The following SDCCAG8 variants were observed in gnomAD, a reference collection of about 807,000 sequenced individuals.
SDCCAG8 encodes SHH signaling and ciliogenesis regulator SDCCAG8, also known as serologically defined colon cancer antigen 8.
In SDCCAG8, 74 loss-of-function variants were observed where a neutral mutation model predicts 101.8. The observed-to-expected ratio is 0.73, with a 90% confidence interval of 0.60 to 0.88. SDCCAG8 has a LOEUF of 0.88. Among genes scored for constraint, SDCCAG8 ranks in the 40% least tolerant of loss-of-function variants. SDCCAG8 has a pLI of 0.00. For synonymous variants in SDCCAG8, 281 were observed against 292.9 expected (o/e 0.96, Z 0.41); for missense variants, 787 against 822.6 (o/e 0.96, Z 0.53).
chr1:243,328,692 C>T (rs1027723694), intron 9 of SDCCAG8, among the ~76,000 whole-genome samples: 2 of 152,230 alleles, frequency 1.3e-5, no homozygotes, highest in East Asian at 3.8e-4. Context: ...AAACCAAGGC[C>T]TCAGCAGTGG....
chr1:243,334,805 C>T (rs1573378759), intron 10 of SDCCAG8, among the ~76,000 whole-genome samples: 1 of 152,054 alleles, frequency 6.6e-6, no homozygotes, highest in South Asian at 2.1e-4. Flanking sequence ...CCAGGCTGAT[C>T]GCGAACTCCT....
intron 12 of SDCCAG8, among the ~76,000 whole-genome samples, chr1:243,371,573 G>A (rs919694084): frequency 1.3e-5 from 2 of 152,128 alleles, no homozygotes; most frequent in African/African-American, 4.8e-5. Flanking sequence ...TGAAGTCAGC[G>A]TTATGTGCAA....
intron 5 of SDCCAG8, among the ~76,000 whole-genome samples, chr1:243,288,547 A>C (rs2069865624): frequency 3.3e-5 from 5 of 152,122 alleles, no homozygotes; most frequent in Admixed American, 3.3e-4. Context: ...CATGAATAAA[A>C]ATGTTTAGGA....
chr1:243,347,744 G>A (rs2075803091), intron 12 of SDCCAG8, among the ~76,000 whole-genome samples: 1 of 152,130 alleles, frequency 6.6e-6, no homozygotes, highest in African/African-American at 2.4e-5. Flanking sequence ...TGTTGCAGGA[G>A]GCCCTAACAT....
chr1:243,356,156 C>T (rs533504442), intron 12 of SDCCAG8, among the ~76,000 whole-genome samples: 5 of 152,032 alleles, frequency 3.3e-5, no homozygotes, highest in South Asian at 2.1e-4. Context: ...ATTTTAAAGG[C>T]GGCGTCAACA....
intron 7 of SDCCAG8, chr1:243,307,681 A>G (rs554425152): frequency 1.6e-6 from 2 of 1,257,162 alleles, no homozygotes; most frequent in African/African-American, 1.5e-5. Flanking sequence ...GGTTAATATA[A>G]CATTAATGGA....
intron 6 of SDCCAG8, among the ~76,000 whole-genome samples, chr1:243,304,454 A>G (rs1210049353): frequency 6.6e-6 from 1 of 152,200 alleles, no homozygotes; most frequent in African/African-American, 2.4e-5. Context: ...CCCCAGAGTC[A>G]CACTTTTAGG....
At chr1:243,399,266 G>A (rs1438228609) in intron 13 of SDCCAG8, among the ~76,000 whole-genome samples, 1 of 152,064 alleles carries the variant, frequency 6.6e-6, no homozygotes, top group Non-Finnish European at 1.5e-5. Flanking sequence ...TAAGTCTAGT[G>A]CTCTTCCTGC....
intron 6 of SDCCAG8, among the ~76,000 whole-genome samples, chr1:243,303,893 T>G (rs1387695770): frequency 1.3e-5 from 2 of 152,070 alleles, no homozygotes; most frequent in Non-Finnish European, 1.5e-5. Flanking sequence ...GCCAACATGA[T>G]GAAACCCCAT....
At chr1:243,258,897 T>C (rs2066970960) in intron 1 of SDCCAG8, among the ~76,000 whole-genome samples, 1 of 152,224 alleles carries the variant, frequency 6.6e-6, no homozygotes. Flanking sequence ...TACCCACCAT[T>C]ACTTCCCCAA....
intron 11 of SDCCAG8, among the ~76,000 whole-genome samples, chr1:243,342,706 C>T (rs1362473914): frequency 6.6e-6 from 1 of 151,982 alleles, no homozygotes; most frequent in Non-Finnish European, 1.5e-5. Context: ...TTTCCTGTCA[C>T]TCTGAATTTG....
intron 3 of SDCCAG8, among the ~76,000 whole-genome samples, chr1:243,273,500 G>A (rs960572620): frequency 2.0e-5 from 3 of 152,044 alleles, no homozygotes; most frequent in African/African-American, 4.8e-5. Context: ...TCTCTTCGTT[G>A]GACCCCTCAA....
At chr1:243,476,052 C>T in intron 16 of SDCCAG8, 1 of 985,400 alleles carries the variant, frequency 1.0e-6, no homozygotes. Flanking sequence ...AAGAGTTATG[C>T]CATCATATTA....
At chr1:243,393,153 C>T (rs1205783268) in intron 13 of SDCCAG8, among the ~76,000 whole-genome samples, 4 of 152,124 alleles carry the variant, frequency 2.6e-5, no homozygotes, top group African/African-American at 9.7e-5. Context: ...TTACAAACAA[C>T]CCTGCACTTG....
chr1:243,483,292 G>A (rs900677629), intron 16 of SDCCAG8, among the ~76,000 whole-genome samples: 7 of 151,994 alleles, frequency 4.6e-5, no homozygotes, highest in African/African-American at 1.7e-4. Context: ...CCTCGTCCCC[G>A]CAGCAGCGTC....
rs1422354362 is a variant in SDCCAG8, at chr1:243,366,626, A to T, written c.1474-12095A>T. 2.0e-5 allele frequency among the ~76,000 whole-genome samples: 3 copies of T among 152,056 alleles called. No homozygotes were observed. The South Asian group carries it at 6.2e-4, about 31-fold the overall frequency. On this transcript the variant is annotated intron_variant, in intron 12 of 17. Coordinates refer to ENST00000366541, the MANE Select transcript of SDCCAG8 (RefSeq NM_006642.5). The stretch of plus-strand genomic sequence containing the variant: ...ATTTTTATGAAAACTAAATAAGAGT[A>T]TCATAATAATTTCTGTTATTTACTG...
chr1:243,290,064 A>C (rs771850764), intron 5 of SDCCAG8, among the ~76,000 whole-genome samples: 2 of 152,142 alleles, frequency 1.3e-5, no homozygotes, highest in Non-Finnish European at 2.9e-5. Flanking sequence ...CACAAAATCA[A>C]AATAATACGA....
intron 11 of SDCCAG8, among the ~76,000 whole-genome samples, chr1:243,341,797 C>T (rs965881745): frequency 6.6e-6 from 1 of 152,102 alleles, no homozygotes; most frequent in Admixed American, 6.6e-5. Flanking sequence ...GATTAAGATA[C>T]ATATTGTAAG....
chr1:243,490,444 GA>G (rs1286265206), intron 17 of SDCCAG8, among the ~76,000 whole-genome samples: 27 of 152,356 alleles, frequency 1.8e-4, no homozygotes, highest in African/African-American at 6.5e-4. Context: ...AAGCTGTTGG[GA>G]TGATTCTGGA....
Sources: gnomAD v4.1 joint callset for allele counts (sites outside exome capture counted in the v4.1 genomes callset) on GRCh38, gnomAD v4.1.1 for gene constraint, MANE v1.5 for transcripts, NCBI Gene and HGNC (gene_info 2026-07-23, HGNC 2026-07-21) for gene names.